Variants in FAXDC2 observed in about 807,000 individuals in gnomAD.
FAXDC2 encodes fatty acid hydroxylase domain-containing protein 2.
FAXDC2 carries 41 observed loss-of-function variants against 40.9 expected under a neutral mutation model. The ratio of observed to expected loss-of-function variants is 1.00; its 90% confidence interval spans 0.78 to 1.30. The LOEUF (loss-of-function observed/expected upper bound fraction) is 1.30. FAXDC2 is among the 50% of genes most tolerant of loss of function. FAXDC2 has a pLI of 0.00. For missense variants in FAXDC2, 390 were observed against 408.8 expected (o/e 0.95, Z 0.40); for synonymous variants, 157 against 149.3 (o/e 1.05, Z -0.38).
intron 1 of FAXDC2, among the ~76,000 whole-genome samples, chr5:154,848,056 G>A (rs1302203602): frequency 6.6e-6 from 1 of 151,842 alleles, no homozygotes; most frequent in Non-Finnish European, 1.5e-5. Context: ...AGCCAGGATG[G>A]TCTTGATCTT....
chr5:154,837,888 A>G (rs1027718550), intron 2 of FAXDC2, among the ~76,000 whole-genome samples: 5 of 152,216 alleles, frequency 3.3e-5, no homozygotes, highest in Non-Finnish European at 7.3e-5. Context: ...AGAAGGGAGG[A>G]CAGTTACAAT....
At chr5:154,847,031 A>G (rs1453344126) in intron 1 of FAXDC2, among the ~76,000 whole-genome samples, 3 of 151,988 alleles carry the variant, frequency 2.0e-5, no homozygotes, top group Non-Finnish European at 4.4e-5. Context: ...TGGCTCAATC[A>G]TAGCTCACTG....
rs371080724 is a variant in FAXDC2, at chr5:154,822,544, G to T, written c.606C>A (p.Ile202=). The part of the protein sequence containing the change: ...LLHHPTFYKK[I]HKKHHEWTAP... ...CTGTCCACTCATGGTGTTTCTTGTGGATTTTCTTGTAGAATGTTGGGTGGT... is the reference window on the plus strand; with the variant it reads ...CTGTCCACTCATGGTGTTTCTTGTGTATTTTCTTGTAGAATGTTGGGTGGT... The change falls in exon 7 of 9, where the codon ATC becomes ATA. Residue 202 remains isoleucine, a synonymous_variant. Coordinates refer to ENST00000326080, the MANE Select transcript of FAXDC2 (RefSeq NM_032385.5). The T allele has an allele frequency of 1.9e-6, 3 of 1,614,150 alleles. No individual in the cohort carries two copies. Among genetic ancestry groups the T allele is most frequent in the Non-Finnish European group, 2.5e-6 (3 of 1,179,990 alleles).
rs1012859567 is a variant in FAXDC2 at position 154,818,495 on chromosome 5, A to T, written c.*1821T>A. Reference sequence around the variant, plus strand: ...AAAAAAAAATTATCCACTGGAATTCATGAAGACCAGTTTATTTTACATGCT... The same window carrying T: ...AAAAAAAAATTATCCACTGGAATTCTTGAAGACCAGTTTATTTTACATGCT... On this transcript the variant is annotated 3_prime_UTR_variant, in exon 9 of 9. Transcript: ENST00000326080. The T allele has an allele frequency of 3.9e-5, 6 of 152,236 alleles. No individual in the cohort carries two copies. Among genetic ancestry groups the T allele is most frequent in the African/African-American group, 1.4e-4 (6 of 41,470 alleles). The allele number at this position is 152,236 out of a possible 1,614,324, so 9.4% of individuals were successfully genotyped here.
At chr5:154,829,847 C>T (rs1357247666) in intron 5 of FAXDC2, among the ~76,000 whole-genome samples, 1 of 152,190 alleles carries the variant, frequency 6.6e-6, no homozygotes, top group Non-Finnish European at 1.5e-5. Flanking sequence ...GGGTTTGACA[C>T]TTTAGGCTCT....
Position 154,830,939 on chromosome 5 carries a change from G to A in FAXDC2, c.245-17C>T, listed in dbSNP as rs777809684. On this transcript the variant is annotated splice_polypyrimidine_tract_variant and intron_variant, in intron 4 of 8. Coordinates refer to ENST00000326080, the MANE Select transcript of FAXDC2 (RefSeq NM_032385.5). ...GGATGGCACCTGAGATTGGGAAACA[G>A]AAACAGTCAGGGCGACTTTGGGTTC... 9.9e-6 allele frequency: 16 copies of A among 1,612,874 alleles called. No individual in the cohort carries two copies. The highest frequency in any genetic ancestry group is 3.3e-5 in the Admixed American group (2 of 59,984).
chr5:154,825,940 G>A (rs188940214), intron 5 of FAXDC2, among the ~76,000 whole-genome samples: 2 of 152,248 alleles, frequency 1.3e-5, no homozygotes, highest in African/African-American at 4.8e-5. Flanking sequence ...AGGACGATCA[G>A]AAATGCTCTT....
In FAXDC2 at chr5:154,822,529, A is replaced by G; in HGVS notation, c.621T>C (p.His207=). The part of the protein sequence containing the change: ...TFYKKIHKKH[H]EWTAPIGVIS... Reference sequence around the variant, plus strand: ...TCACGCCAATGGGAGCTGTCCACTCATGGTGTTTCTTGTGGATTTTCTTGT... The same window carrying G: ...TCACGCCAATGGGAGCTGTCCACTCGTGGTGTTTCTTGTGGATTTTCTTGT... The change falls in exon 7 of 9, where the codon CAT becomes CAC. Residue 207 remains histidine, a synonymous_variant. Transcript: ENST00000326080. 2 of 1,614,180 alleles carry G rather than the reference A, an allele frequency of 1.2e-6. No homozygotes were observed. Among genetic ancestry groups the G allele is most frequent in the Non-Finnish European group, 8.5e-7 (1 of 1,180,014 alleles).
In FAXDC2 at chr5:154,820,262, C is replaced by G. The variant is rs142768211; in HGVS notation, c.*54G>C. 549 of 1,445,062 alleles carry G rather than the reference C, an allele frequency of 3.8e-4. 1 individual carries two copies. The Middle Eastern group carries it at 6.9e-3, about 18-fold the overall frequency. 89.5% of individuals were successfully genotyped at this position (1,445,062 alleles called of 1,614,324 possible). ...CAAATTGTTAGGTGCAATCAGGAAG[C>G]CGTGTCTGCATCCCATGGCTGAGGG... On this transcript the variant is annotated 3_prime_UTR_variant, in exon 9 of 9. Transcript: ENST00000326080.
In FAXDC2 at chr5:154,834,851, T is replaced by C; in HGVS notation, c.132A>G (p.Ser44=). 6 of 1,611,194 alleles carry C rather than the reference T, an allele frequency of 3.7e-6. No homozygotes were observed. The highest frequency in any genetic ancestry group is 5.1e-6 in the Non-Finnish European group (6 of 1,178,400). The change falls in exon 3 of 9, where the codon TCA becomes TCG. Residue 44 remains serine (S), a synonymous_variant. Coordinates refer to ENST00000326080, the MANE Select transcript of FAXDC2 (RefSeq NM_032385.5). ...GGGTGGAGCCGACTTACCATGTCAC[T>C]GAGTTCCAGAAGGCCACAAATGAGA... The part of the protein sequence containing the change: ...GLLSFVAFWN[S]VTWHLQRFWG...
intron 4 of FAXDC2, among the ~76,000 whole-genome samples, chr5:154,832,026 A>C (rs911265201): frequency 7.2e-5 from 11 of 152,210 alleles, no homozygotes; most frequent in Admixed American, 3.9e-4. Context: ...CAATCTATTC[A>C]ATGAAAAAAA....
At chr5:154,835,854 T>TA (rs1289960225) in intron 2 of FAXDC2, among the ~76,000 whole-genome samples, 1 of 149,886 alleles carries the variant, frequency 6.7e-6, no homozygotes, top group African/African-American at 2.5e-5. Context: ...GTGCTGGGAT[T>TA]ACAGGAGTGA....
At chr5:154,835,494 T>C (rs1177235682) in intron 2 of FAXDC2, among the ~76,000 whole-genome samples, 1 of 152,202 alleles carries the variant, frequency 6.6e-6, no homozygotes. Context: ...GGCTTCACTG[T>C]GTGCATAGGC....
chr5:154,843,471 A>G (rs1760528920), intron 1 of FAXDC2, among the ~76,000 whole-genome samples: 2 of 152,226 alleles, frequency 1.3e-5, no homozygotes, highest in South Asian at 4.1e-4. Context: ...TCATTCTGAA[A>G]TTTATATCAA....
At chr5:154,831,093 G>A in intron 4 of FAXDC2, 171 bp from the exon 5 acceptor site, 1 of 618,096 alleles carries the variant, frequency 1.6e-6, no homozygotes, top group Non-Finnish European at 2.7e-6. Flanking sequence ...TAGGAACTTG[G>A]ACAGGCCATT....
chr5:154,822,425 T>A (rs1706474819), intron 7 of FAXDC2, 47 bp downstream of exon 7: 2 of 1,374,912 alleles, frequency 1.5e-6, no homozygotes, highest in Non-Finnish European at 2.1e-6. Context: ...AGGAAGGTGG[T>A]TGGGGCCATC....
chr5:154,833,001 A>G (rs1760230949), intron 4 of FAXDC2, among the ~76,000 whole-genome samples: 1 of 150,604 alleles, frequency 6.6e-6, no homozygotes, highest in South Asian at 2.1e-4. Flanking sequence ...CTATGACATC[A>G]TTTTTTAATG....
At chr5:154,822,211 T>A in intron 7 of FAXDC2, 1 of 397,760 alleles carries the variant, frequency 2.5e-6, no homozygotes, top group Admixed American at 3.9e-5. Flanking sequence ...TGAGCTATGA[T>A]CACACCACTG....
rs370964960 is a variant in FAXDC2, at chr5:154,821,134, C to T, written c.845+126G>A. On this transcript the variant is annotated intron_variant, in intron 8 of 8. Coordinates refer to ENST00000326080, the MANE Select transcript of FAXDC2 (RefSeq NM_032385.5). ...CATCCCAGTGTGGTTATTTTCCCAG[C>T]CATCAGACCTCTTCCCCAACTAGCA... The T allele has an allele frequency of 2.3e-5, 19 of 814,486 alleles. No individual in the cohort carries two copies. In the African/African-American group the frequency reaches 3.2e-4, roughly 14 times the overall value. The allele number at this position is 814,486 out of a possible 1,614,324, so 50.5% of individuals were successfully genotyped here.
Sources: gnomAD v4.1 joint callset for allele counts (sites outside exome capture counted in the v4.1 genomes callset) on GRCh38, gnomAD v4.1.1 for gene constraint, MANE v1.5 for transcripts, NCBI Gene and HGNC (gene_info 2026-07-23, HGNC 2026-07-21) for gene names.